The following MAEL variants were observed in gnomAD, a reference collection of about 807,000 sequenced individuals.
MAEL encodes the protein protein maelstrom homolog.
Under a neutral mutation model 62.0 loss-of-function variants are expected in MAEL, and 46 were observed. The ratio of observed to expected loss-of-function variants is 0.74; its 90% confidence interval spans 0.59 to 0.95. MAEL has a LOEUF of 0.95. MAEL is among the 40% of genes least tolerant of loss of function. The pLI is 0.00. For missense variants in MAEL, 497 were observed against 526.8 expected (o/e 0.94, Z 0.55); for synonymous variants, 172 against 175.5 (o/e 0.98, Z 0.16).
Position 166,979,353 on chromosome 1 carries a change from A to G in MAEL, c.-121+3687A>G, listed in dbSNP as rs1216863306. Among the ~76,000 whole-genome samples, 6 of 136,834 alleles carry G rather than the reference A, an allele frequency of 4.4e-5. No homozygotes were observed. The East Asian group carries it at 1.4e-3, about 31-fold the overall frequency. 89.8% of individuals were successfully genotyped at this position (136,834 alleles called of 152,430 possible). ...ATACCTTCAAAACCATCCTCAATGA[A>G]TTATAAGTTAAAAAAAAAACTAAAT... On this transcript the variant is annotated intron_variant, in intron 1 of 12. Transcript: ENST00000622874.
chr1:166,979,298 C>G (rs1216622318), intron 1 of MAEL, among the ~76,000 whole-genome samples: 1 of 151,214 alleles, frequency 6.6e-6, no homozygotes, highest in Non-Finnish European at 1.5e-5. Flanking sequence ...CTCTTGCTAC[C>G]TTTTGGGTTT....
rs571265408 is a variant in MAEL, at chr1:167,009,778, CT to C, written c.845+4384del. Reference sequence around the variant, plus strand: ...TGCTTTCTTCAGTTTCTCTTATTAACTTTACAAATGAATCTGTTCAGCCTTG... The same window carrying C: ...TGCTTTCTTCAGTTTCTCTTATTAACTTACAAATGAATCTGTTCAGCCTTG... On this transcript the variant is annotated intron_variant, in intron 8 of 11. Transcript: ENST00000367872. Among the ~76,000 whole-genome samples, 343 of 152,092 alleles carry C rather than the reference CT, an allele frequency of 2.3e-3. 3 individuals carry two copies. Among genetic ancestry groups the C allele is most frequent in the African/African-American group, 7.9e-3 (327 of 41,498 alleles).
At position 166,981,799 on chromosome 1, in the gene MAEL, G is replaced by A. The variant is rs191595612; in HGVS notation, c.-121+6133G>A. ...AAAGGCAGAGTCAGCAATAAGGCTGGAAAGGTAGGCTGAGGTTGAACCAAG... is the reference window on the plus strand; with the variant it reads ...AAAGGCAGAGTCAGCAATAAGGCTGAAAAGGTAGGCTGAGGTTGAACCAAG... On this transcript the variant is annotated intron_variant, in intron 1 of 12. Transcript: ENST00000622874. Among the ~76,000 whole-genome samples, 60 of 152,310 alleles carry A rather than the reference G, an allele frequency of 3.9e-4. No individual in the cohort carries two copies. In the East Asian group the frequency reaches 0.011, roughly 29 times the overall value.
At chr1:166,992,051 A>T (rs922387571) in intron 3 of MAEL, among the ~76,000 whole-genome samples, 2 of 152,174 alleles carry the variant, frequency 1.3e-5, no homozygotes, top group Non-Finnish European at 2.9e-5. Flanking sequence ...ATAAAGATAC[A>T]AATGAATTAT....
rs1183113231 is a variant in MAEL at position 166,989,397 on chromosome 1, G to C, written c.45G>C (p.Val15=). 3 of 1,607,424 alleles carry C rather than the reference G, an allele frequency of 1.9e-6. No homozygotes were observed. The highest frequency in any genetic ancestry group is 4.5e-5 in the East Asian group (2 of 44,690). ...GCCGGAATGCTTACTATTTCTTCGT[G>C]CAGGAGAAGATCCCCGAACTACGGC... ...KASRNAYYFF[V]QEKIPELRRR... The change falls in exon 1 of 12, where the codon GTG becomes GTC. Residue 15 remains valine, a synonymous_variant. Transcript: ENST00000367872.
At chr1:166,975,636 C>G (rs1220545500) in exon 1 of MAEL, 2 of 152,178 alleles carry the variant, frequency 1.3e-5, no homozygotes, top group South Asian at 1.9e-4. Flanking sequence ...CAAAGTTTCT[C>G]GGTCACGTGC....
At chr1:167,014,478 A>G (rs1665297738) in intron 8 of MAEL, among the ~76,000 whole-genome samples, 1 of 152,214 alleles carries the variant, frequency 6.6e-6, no homozygotes, top group South Asian at 2.1e-4. Context: ...CCTGTCCAAT[A>G]AGACTCTAGT....
chr1:167,004,367 C>T, intron 6 of MAEL, 63 bp downstream of exon 6: 2 of 1,468,256 alleles, frequency 1.4e-6, no homozygotes, highest in Non-Finnish European at 9.1e-7. Flanking sequence ...ATCCATAAAA[C>T]AAAGAATTTT....
intron 1 of MAEL, among the ~76,000 whole-genome samples, chr1:166,979,729 T>G (rs1663701952): frequency 6.6e-6 from 1 of 152,206 alleles, no homozygotes; most frequent in Non-Finnish European, 1.5e-5. Context: ...CAAATCCAAC[T>G]GCAGTGGTGC....
chr1:167,011,065 C>G (rs974046427), intron 8 of MAEL, among the ~76,000 whole-genome samples: 1 of 151,964 alleles, frequency 6.6e-6, no homozygotes, highest in Admixed American at 6.5e-5. Flanking sequence ...TAGCATGGCA[C>G]TTGCCTATAG....
In MAEL at chr1:167,016,285, G is replaced by A. The variant is rs757249676; in HGVS notation, c.908+1G>A. On this transcript the variant is annotated splice_donor_variant, in intron 9 of 11. Transcript: ENST00000367872. LOFTEE classifies it high-confidence loss of function. ...CTTTAGCTGTTTGCAAGAAGATTGC[G>A]TAAGTTGGGGAAAGGAGTTTCTTCA... 23 of 1,612,860 alleles carry A rather than the reference G, an allele frequency of 1.4e-5. No individual in the cohort carries two copies. The highest frequency in any genetic ancestry group is 2.2e-5 in the South Asian group (2 of 91,036).
At chr1:166,989,059 C>A, upstream of MAEL, 1 of 399,620 alleles carries the variant, frequency 2.5e-6, no homozygotes, top group East Asian at 4.7e-5. Context: ...AGAAATTGCT[C>A]CAGGCCTCCC....
chr1:166,987,091 T>C (rs1663943630), upstream of MAEL, among the ~76,000 whole-genome samples: 1 of 152,098 alleles, frequency 6.6e-6, no homozygotes, highest in South Asian at 2.1e-4. Context: ...GTTTGATGAA[T>C]TTTGACAAAT....
intron 4 of MAEL, 71 bp downstream of exon 4, chr1:166,992,912 A>C: frequency 8.0e-7 from 1 of 1,251,820 alleles, no homozygotes; most frequent in Non-Finnish European, 1.1e-6. Flanking sequence ...ACTTTATTTG[A>C]TAATAGTACT....
Position 166,989,302 on chromosome 1 carries a change from G to C in MAEL, c.-51G>C. On this transcript the variant is annotated 5_prime_UTR_variant, in exon 1 of 12. Transcript: ENST00000367872. ...GTTACTTAGGGCGGGAGCCCGGCGA[G>C]GGCGCCGGTGCTTTGTTCTGTCTGA... 1 of 1,573,768 alleles carries C rather than the reference G, an allele frequency of 6.4e-7. No individual in the cohort carries two copies. The highest frequency in any genetic ancestry group is 8.6e-7 in the Non-Finnish European group (1 of 1,158,378).
chr1:166,997,096 G>T (rs1361769550), intron 5 of MAEL, among the ~76,000 whole-genome samples: 23 of 152,230 alleles, frequency 1.5e-4, no homozygotes, highest in Admixed American at 1.5e-3. Context: ...AAAGTGCTGG[G>T]CTTACAGGCG....
At chr1:166,980,859 C>T (rs986390055) in intron 1 of MAEL, among the ~76,000 whole-genome samples, 5 of 152,106 alleles carry the variant, frequency 3.3e-5, no homozygotes, top group Non-Finnish European at 4.4e-5. Context: ...ACAGTTTACA[C>T]GATGAAGCTG....
intron 8 of MAEL, among the ~76,000 whole-genome samples, chr1:167,014,769 T>A (rs940111072): frequency 3.2e-4 from 49 of 152,110 alleles, no homozygotes; most frequent in African/African-American, 1.0e-3. Flanking sequence ...ATGCCTGTAA[T>A]CCCAGCACTA....
At chr1:167,013,411 T>A (rs1271474768) in intron 8 of MAEL, among the ~76,000 whole-genome samples, 2 of 152,200 alleles carry the variant, frequency 1.3e-5, no homozygotes, top group African/African-American at 4.8e-5. Flanking sequence ...TAAGTGTTCC[T>A]ATGTTATACA....
Sources: gnomAD v4.1 joint callset for allele counts (sites outside exome capture counted in the v4.1 genomes callset) on GRCh38, gnomAD v4.1.1 for gene constraint, MANE v1.5 for transcripts, NCBI Gene and HGNC (gene_info 2026-07-23, HGNC 2026-07-21) for gene names.